Variants in AK4 observed in about 807,000 individuals in gnomAD.
AK4 encodes adenylate kinase 4, also known as adenylate kinase 4, mitochondrial.
In AK4, 13 loss-of-function variants were observed where a neutral mutation model predicts 24.6. The observed-to-expected ratio is 0.53, with a 90% CI of 0.34 to 0.84. The LOEUF is 0.84. AK4 is among the 40% of genes least tolerant of loss of function. AK4 has a pLI of 0.01. For missense variants in AK4, 192 were observed against 288.2 expected (o/e 0.67, Z 2.42); for synonymous variants, 88 against 107.0 (o/e 0.82, Z 1.10).
chr1:65,209,062 A>G (rs1001610777), intron 2 of AK4, among the ~76,000 whole-genome samples: 1 of 152,248 alleles, frequency 6.6e-6, no homozygotes, highest in African/African-American at 2.4e-5. Flanking sequence ...TTCTGGAAGA[A>G]ATTTAAAAAT....
At position 65,152,316 on chromosome 1, in the gene AK4, A is replaced by ATCTCTCTC. The variant is rs1158775260; in HGVS notation, c.145+3802_145+3809dup. ...GAACAAACCTGTTTCTGCACTTGCTATCTCTCTCTCTCTCTCTCTCTCTCT... is the reference window on the plus strand; with the variant it reads ...GAACAAACCTGTTTCTGCACTTGCTATCTCTCTCTCTCTCTCTCTCTCTCTCTCTCTCT... On this transcript the variant is annotated intron_variant, in intron 1 of 4. Coordinates refer to ENST00000327299, the MANE Select transcript of AK4 (RefSeq NM_013410.4). Among the ~76,000 whole-genome samples the ATCTCTCTC allele has an allele frequency of 3.1e-3, 101 of 32,464 alleles. 2 individuals carry two copies. The highest frequency in any genetic ancestry group is 0.038 in the Middle Eastern group (1 of 26). The allele number at this position is 32,464 out of a possible 152,430, so 21.3% of individuals were successfully genotyped here.
chr1:65,200,841 G>T (rs1651641613), intron 2 of AK4, among the ~76,000 whole-genome samples: 1 of 151,952 alleles, frequency 6.6e-6, no homozygotes. Context: ...TCTGTCCCAG[G>T]CTGAGTGCAA....
At chr1:65,171,635 G>A (rs952912689) in intron 1 of AK4, among the ~76,000 whole-genome samples, 1 of 152,078 alleles carries the variant, frequency 6.6e-6, no homozygotes, top group Non-Finnish European at 1.5e-5. Context: ...CAGGTAAAAC[G>A]AATGTTGTTG....
intron 1 of AK4, chr1:65,154,635 TATTAAGTTGGACTAAATGATCCTCCTTCA>T (rs1649914894): frequency 2.1e-6 from 1 of 481,802 alleles, no homozygotes; most frequent in Non-Finnish European, 4.2e-6. Flanking sequence ...ATATCAGTTT[TATTAAGTTGGACTAAATGATCCTCCTTCA>T]AAGGATTATC....
At chr1:65,170,948 T>G (rs1335163114) in intron 1 of AK4, among the ~76,000 whole-genome samples, 1 of 143,340 alleles carries the variant, frequency 7.0e-6, no homozygotes, top group African/African-American at 2.7e-5. Context: ...TTGTCTTGTC[T>G]TCTTCCTTTT....
chr1:65,187,662 T>G (rs1651148813), intron 1 of AK4, among the ~76,000 whole-genome samples: 1 of 152,182 alleles, frequency 6.6e-6, no homozygotes, highest in African/African-American at 2.4e-5. Flanking sequence ...TTATGAAGAT[T>G]AAATGAAATG....
chr1:65,156,937 A>AAAG (rs1557437188), intron 1 of AK4, among the ~76,000 whole-genome samples: 3 of 151,970 alleles, frequency 2.0e-5, no homozygotes, highest in Non-Finnish European at 2.9e-5. Flanking sequence ...AAAAAAAAAA[A>AAAG]AAAGAAAGAA....
At chr1:65,154,780 G>T in intron 1 of AK4, 1 of 193,832 alleles carries the variant, frequency 5.2e-6, no homozygotes, top group Non-Finnish European at 1.1e-5. Flanking sequence ...TCACTGGACA[G>T]ATATACTTTC....
chr1:65,180,322 C>A (rs996431115), intron 1 of AK4, among the ~76,000 whole-genome samples: 1 of 152,140 alleles, frequency 6.6e-6, no homozygotes, highest in Non-Finnish European at 1.5e-5. Flanking sequence ...GTGGCATGCA[C>A]CTGTGTTCCC....
chr1:65,175,971 G>A (rs972063267), intron 1 of AK4, among the ~76,000 whole-genome samples: 3 of 152,084 alleles, frequency 2.0e-5, no homozygotes, highest in African/African-American at 7.2e-5. Context: ...CCTATCCCGG[G>A]CCAAGAAAAT....
chr1:65,196,286 T>A (rs947065675), intron 2 of AK4, among the ~76,000 whole-genome samples: 2 of 151,956 alleles, frequency 1.3e-5, no homozygotes, highest in African/African-American at 4.8e-5. Flanking sequence ...AGAGGCATCC[T>A]GCAAATGGTG....
chr1:65,210,570 T>A (rs1651942963), intron 2 of AK4, among the ~76,000 whole-genome samples: 1 of 152,194 alleles, frequency 6.6e-6, no homozygotes, highest in Non-Finnish European at 1.5e-5. Flanking sequence ...TCTTGTCTTT[T>A]CTGTTACCGA....
At chr1:65,193,388 C>A (rs868650142) in intron 2 of AK4, among the ~76,000 whole-genome samples, 2 of 152,132 alleles carry the variant, frequency 1.3e-5, no homozygotes, top group African/African-American at 4.8e-5. Context: ...GGAAGATCTC[C>A]GAAATGCCTT....
At chr1:65,189,287 C>CTTT (rs11373489) in intron 1 of AK4, among the ~76,000 whole-genome samples, 26 of 132,550 alleles carry the variant, frequency 2.0e-4, no homozygotes, top group African/African-American at 6.0e-4. Context: ...GATTCTCTCT[C>CTTT]TTTTTTTTTT....
At chr1:65,152,380 ATATATTTTTTTTTTTTTT>A (rs1649822130) in intron 1 of AK4, among the ~76,000 whole-genome samples, 3 of 44,000 alleles carry the variant, frequency 6.8e-5, no homozygotes, top group African/African-American at 2.3e-4. Context: ...ATATATATAT[ATATATTTTTTTTTTTTTT>A]TTTTTTTTTT....
intron 2 of AK4, among the ~76,000 whole-genome samples, chr1:65,202,866 C>CTTTTTTTTTT (rs34143736): frequency 1.1e-5 from 1 of 91,818 alleles, no homozygotes; most frequent in Non-Finnish European, 1.9e-5. Context: ...GCTGTGTAGT[C>CTTTTTTTTTT]TTTTTTTTTT....
intron 3 of AK4, among the ~76,000 whole-genome samples, chr1:65,219,260 G>A (rs550377991): frequency 6.6e-6 from 1 of 151,738 alleles, no homozygotes; most frequent in Non-Finnish European, 1.5e-5. Context: ...TGGGATCTGG[G>A]GAAAATAATA....
chr1:65,204,742 C>T (rs1651764623), intron 2 of AK4, among the ~76,000 whole-genome samples: 1 of 152,178 alleles, frequency 6.6e-6, no homozygotes, highest in Non-Finnish European at 1.5e-5. Flanking sequence ...CTTCCTTTAA[C>T]CTCCTCTTAC....
At chr1:65,223,999 A>AATAC (rs1233487782) in intron 3 of AK4, among the ~76,000 whole-genome samples, 1 of 152,126 alleles carries the variant, frequency 6.6e-6, no homozygotes, top group Non-Finnish European at 1.5e-5. Context: ...TCTTAAAATA[A>AATAC]ATAAATAAAT....
Sources: gnomAD v4.1 joint callset for allele counts (sites outside exome capture counted in the v4.1 genomes callset) on GRCh38, gnomAD v4.1.1 for gene constraint, MANE v1.5 for transcripts, NCBI Gene and HGNC (gene_info 2026-07-23, HGNC 2026-07-21) for gene names.